CACNA2D1: variants seen among roughly 807,000 people sequenced by gnomAD.
The protein encoded by CACNA2D1 is voltage-dependent calcium channel subunit alpha-2/delta-1.
CACNA2D1 carries 53 observed loss-of-function variants against 171.5 expected under a neutral mutation model. The ratio of observed to expected loss-of-function variants is 0.31; its 90% CI spans 0.25 to 0.39. The LOEUF is 0.39. CACNA2D1 is among the 10% of genes least tolerant of loss of function. CACNA2D1 has a pLI of 1.00. For missense variants in CACNA2D1, 903 were observed against 1,299.8 expected (o/e 0.69, Z 4.69); for synonymous variants, 442 against 443.1 (o/e 1.00, Z 0.03).
At chr7:82,000,208 G>T (rs980889309) in intron 18 of CACNA2D1, among the ~76,000 whole-genome samples, 2 of 152,174 alleles carry the variant, frequency 1.3e-5, no homozygotes, top group South Asian at 2.1e-4. Flanking sequence ...GCAGTAAGCC[G>T]AGATTGCGCC....
At chr7:81,960,865 G>C (rs1305055222) in intron 36 of CACNA2D1, among the ~76,000 whole-genome samples, 1 of 151,816 alleles carries the variant, frequency 6.6e-6, no homozygotes, top group Non-Finnish European at 1.5e-5. Flanking sequence ...CTCTAAACAA[G>C]ACAGTCTGCT....
At chr7:82,266,554 T>C (rs1427232675) in intron 3 of CACNA2D1, among the ~76,000 whole-genome samples, 3 of 152,118 alleles carry the variant, frequency 2.0e-5, no homozygotes, top group Non-Finnish European at 4.4e-5. Flanking sequence ...TTTGCTCTTG[T>C]CACTCAGGCT....
chr7:82,235,314 A>C (rs1365685098), intron 3 of CACNA2D1, among the ~76,000 whole-genome samples: 1 of 152,156 alleles, frequency 6.6e-6, no homozygotes, highest in Non-Finnish European at 1.5e-5. Context: ...GTGCTAGTAT[A>C]AAGTAGAACT....
At chr7:82,326,650 A>T (rs897467247) in intron 3 of CACNA2D1, among the ~76,000 whole-genome samples, 1 of 108,630 alleles carries the variant, frequency 9.2e-6, no homozygotes, top group Non-Finnish European at 2.3e-5. Flanking sequence ...TAACCAGCTC[A>T]TTGACTCATG....
chr7:82,405,079 C>A (rs1189853675), intron 1 of CACNA2D1, among the ~76,000 whole-genome samples: 2 of 152,066 alleles, frequency 1.3e-5, no homozygotes. Flanking sequence ...AATGAGTTAG[C>A]AAATAATACT....
intron 10 of CACNA2D1, among the ~76,000 whole-genome samples, chr7:82,057,921 G>T (rs1236968206): frequency 1.3e-5 from 2 of 152,130 alleles, no homozygotes; most frequent in Admixed American, 1.3e-4. Context: ...GATGTTCCAT[G>T]TTTCTTTGTT....
intron 2 of CACNA2D1, among the ~76,000 whole-genome samples, chr7:82,341,999 A>G (rs1405836921): frequency 7.4e-6 from 1 of 135,754 alleles, no homozygotes; most frequent in Non-Finnish European, 1.5e-5. Context: ...GCTTGCAGTG[A>G]GCTGAGATCG....
At chr7:82,284,847 A>T (rs1375423430) in intron 3 of CACNA2D1, among the ~76,000 whole-genome samples, 1 of 152,152 alleles carries the variant, frequency 6.6e-6, no homozygotes, top group Non-Finnish European at 1.5e-5. Context: ...TGTCTTTGTA[A>T]TGTACATAAG....
intron 3 of CACNA2D1, among the ~76,000 whole-genome samples, chr7:82,274,445 A>C (rs1276006884): frequency 6.6e-6 from 1 of 152,174 alleles, no homozygotes; most frequent in Non-Finnish European, 1.5e-5. Context: ...AATAGCAAAA[A>C]TTCATGAAAC....
intron 3 of CACNA2D1, among the ~76,000 whole-genome samples, chr7:82,237,143 T>C (rs1054586435): frequency 9.2e-5 from 14 of 151,934 alleles, no homozygotes; most frequent in African/African-American, 3.4e-4. Flanking sequence ...CCAACCCTTA[T>C]ATAAATTATG....
chr7:82,138,099 T>C (rs1171687337), intron 4 of CACNA2D1, among the ~76,000 whole-genome samples: 2 of 152,128 alleles, frequency 1.3e-5, no homozygotes, highest in African/African-American at 4.8e-5. Flanking sequence ...ACAGAGACAA[T>C]GTATAACTGT....
chr7:82,440,547 A>G (rs1043622204), intron 1 of CACNA2D1, among the ~76,000 whole-genome samples: 1 of 151,914 alleles, frequency 6.6e-6, no homozygotes, highest in Admixed American at 6.6e-5. Context: ...CATATCATGT[A>G]TTTATGTTTC....
At chr7:82,190,129 C>T (rs749754393) in intron 3 of CACNA2D1, among the ~76,000 whole-genome samples, 2 of 151,662 alleles carry the variant, frequency 1.3e-5, no homozygotes, top group African/African-American at 2.4e-5. Context: ...AGGGTTGTTA[C>T]GAGTCAGAGA....
At chr7:82,064,704 T>C (rs111956636) in intron 8 of CACNA2D1, among the ~76,000 whole-genome samples, 2,199 of 152,142 alleles carry the variant, frequency 0.014, 49 homozygotes, top group African/African-American at 0.05. Context: ...TAATGAAAAA[T>C]AGACTATCAT....
chr7:81,998,874 A>G (rs1202981618), intron 18 of CACNA2D1, among the ~76,000 whole-genome samples: 1 of 152,256 alleles, frequency 6.6e-6, no homozygotes, highest in East Asian at 1.9e-4. Flanking sequence ...TTGTTTAAAA[A>G]ATGAAACCTA....
intron 2 of CACNA2D1, among the ~76,000 whole-genome samples, chr7:82,341,973 G>C (rs754732605): frequency 6.9e-6 from 1 of 144,500 alleles, no homozygotes; most frequent in Non-Finnish European, 1.5e-5. Context: ...AGAATGGCGT[G>C]AACCTGGGAG....
intron 3 of CACNA2D1, among the ~76,000 whole-genome samples, chr7:82,204,383 C>G (rs1799801994): frequency 6.6e-6 from 1 of 152,262 alleles, no homozygotes; most frequent in East Asian, 1.9e-4. Flanking sequence ...TGTGGCAAGA[C>G]CTAGGGGAGG....
At chr7:81,951,239 T>G (rs1792482806) in intron 38 of CACNA2D1, among the ~76,000 whole-genome samples, 1 of 152,114 alleles carries the variant, frequency 6.6e-6, no homozygotes, top group African/African-American at 2.4e-5. Context: ...TCCCTCTTAA[T>G]GCAAAAGTAT....
chr7:81,985,703 A>T (rs1333427844), intron 21 of CACNA2D1, among the ~76,000 whole-genome samples: 2 of 152,158 alleles, frequency 1.3e-5, no homozygotes, highest in Non-Finnish European at 2.9e-5. Context: ...AAGTTTATTT[A>T]CTGTGATTAT....
Sources: gnomAD v4.1 joint callset for allele counts (sites outside exome capture counted in the v4.1 genomes callset) on GRCh38, gnomAD v4.1.1 for gene constraint, MANE v1.5 for transcripts, NCBI Gene and HGNC (gene_info 2026-07-23, HGNC 2026-07-21) for gene names.